Variants in LAPTM4B observed in about 807,000 individuals in gnomAD.
LAPTM4B encodes lysosomal-associated transmembrane protein 4B.
A neutral mutation model predicts 28.5 loss-of-function variants in LAPTM4B; 26 were observed. The observed-to-expected ratio is 0.91, with a 90% CI of 0.67 to 1.27. The LOEUF is 1.27. Ranked by LOEUF, LAPTM4B falls within the 50% of genes most tolerant of loss-of-function variation. The pLI is 0.00. For synonymous variants in LAPTM4B, 109 were observed against 106.4 expected (o/e 1.02, Z -0.15); for missense variants, 288 against 285.8 (o/e 1.01, Z -0.06).
At chr8:97,828,714 G>C (rs775335326) in intron 6 of LAPTM4B, among the ~76,000 whole-genome samples, 1 of 152,196 alleles carries the variant, frequency 6.6e-6, no homozygotes, top group East Asian at 1.9e-4. Context: ...CTAAGGAATC[G>C]ACTTGGGATT....
intron 6 of LAPTM4B, among the ~76,000 whole-genome samples, chr8:97,835,690 C>G (rs1466247647): frequency 3.3e-5 from 5 of 152,170 alleles, no homozygotes; most frequent in Admixed American, 1.3e-4. Context: ...CTCCCTTGGG[C>G]GGGCCTGCTG....
chr8:97,825,412 A>G (rs531854658), intron 6 of LAPTM4B, among the ~76,000 whole-genome samples: 39 of 152,360 alleles, frequency 2.6e-4, no homozygotes, highest in Admixed American at 1.7e-3. Context: ...GATAGATAAT[A>G]TATGTACCTT....
chr8:97,830,684 C>G (rs1817171373), intron 6 of LAPTM4B, among the ~76,000 whole-genome samples: 1 of 152,032 alleles, frequency 6.6e-6, no homozygotes, highest in African/African-American at 2.4e-5. Flanking sequence ...AGCGATGAAC[C>G]CAGTGGGGAA....
intron 6 of LAPTM4B, among the ~76,000 whole-genome samples, chr8:97,825,816 G>T (rs1312030952): frequency 6.6e-6 from 1 of 152,214 alleles, no homozygotes; most frequent in Non-Finnish European, 1.5e-5. Flanking sequence ...TGTCGTCACT[G>T]CCTGATGTAA....
rs746197514 is a variant in LAPTM4B, at chr8:97,775,980, G to A, written c.-30G>A. 1 of 1,555,102 alleles carries A rather than the reference G, an allele frequency of 6.4e-7. No individual in the cohort carries two copies. The highest frequency in any genetic ancestry group is 2.6e-5 in the East Asian group (1 of 37,746). ...GCGGTCGACGCTCCTGAAAACTTGC[G>A]CGCGCGCTCGCGCCACTGCGCCCGG... On this transcript the variant is annotated 5_prime_UTR_variant, in exon 1 of 7. Transcript: ENST00000521545.
chr8:97,842,875 A>G (rs1817373795), intron 6 of LAPTM4B, among the ~76,000 whole-genome samples: 2 of 142,038 alleles, frequency 1.4e-5, no homozygotes, highest in Admixed American at 7.1e-5. Flanking sequence ...GTGCTCCCTT[A>G]TATAATATCT....
At chr8:97,836,230 A>G (rs1216214520) in intron 6 of LAPTM4B, among the ~76,000 whole-genome samples, 1 of 152,138 alleles carries the variant, frequency 6.6e-6, no homozygotes, top group African/African-American at 2.4e-5. Context: ...TCAGGCTGGA[A>G]TACATAGGAG....
At chr8:97,832,863 C>T (rs1257186166) in intron 6 of LAPTM4B, among the ~76,000 whole-genome samples, 2 of 149,628 alleles carry the variant, frequency 1.3e-5, no homozygotes, top group South Asian at 4.2e-4. Context: ...CGCACCGCCA[C>T]GCCTGGCTGA....
intron 6 of LAPTM4B, among the ~76,000 whole-genome samples, chr8:97,848,574 C>G (rs570016748): frequency 6.6e-6 from 1 of 152,144 alleles, no homozygotes; most frequent in African/African-American, 2.4e-5. Context: ...AATCCCAACA[C>G]TTTGGGAGGC....
chr8:97,828,224 A>G (rs1269322866), intron 6 of LAPTM4B, among the ~76,000 whole-genome samples: 2 of 152,116 alleles, frequency 1.3e-5, no homozygotes, highest in Non-Finnish European at 2.9e-5. Context: ...TGGAGGGATG[A>G]TGGGAGATTT....
intron 5 of LAPTM4B, among the ~76,000 whole-genome samples, chr8:97,823,175 TGAAATAA>T (rs569040421): frequency 4.0e-5 from 6 of 151,846 alleles, no homozygotes; most frequent in East Asian, 3.9e-4. Context: ...TGCAGAAGTG[TGAAATAA>T]GAAATAAGGT....
chr8:97,803,717 C>T (rs908470916), intron 1 of LAPTM4B, among the ~76,000 whole-genome samples: 6 of 152,202 alleles, frequency 3.9e-5, no homozygotes, highest in African/African-American at 1.4e-4. Context: ...GGCGCATCAG[C>T]TCACTGTAGC....
intron 1 of LAPTM4B, among the ~76,000 whole-genome samples, chr8:97,781,391 C>T (rs561776828): frequency 1.4e-5 from 2 of 145,882 alleles, no homozygotes; most frequent in South Asian, 4.4e-4. Flanking sequence ...GTGATTCCTG[C>T]CTCAGCCTCC....
intron 1 of LAPTM4B, among the ~76,000 whole-genome samples, chr8:97,801,305 C>T (rs372242702): frequency 1.3e-5 from 2 of 151,884 alleles, no homozygotes; most frequent in Admixed American, 6.6e-5. Flanking sequence ...CCTTGGCCTC[C>T]GGAGCAGCTG....
At chr8:97,803,277 A>C (rs1344944265) in intron 1 of LAPTM4B, among the ~76,000 whole-genome samples, 3 of 151,838 alleles carry the variant, frequency 2.0e-5, no homozygotes, top group African/African-American at 7.3e-5. Flanking sequence ...TTAAAAATGA[A>C]CTTTTTTTTT....
chr8:97,812,009 T>G (rs1173421403), intron 2 of LAPTM4B, among the ~76,000 whole-genome samples: 1 of 151,912 alleles, frequency 6.6e-6, no homozygotes, highest in Non-Finnish European at 1.5e-5. Context: ...TTTTGCCATG[T>G]TTCCCAAGTT....
Position 97,844,840 on chromosome 8 carries a change from C to T in LAPTM4B, c.604-6557C>T, listed in dbSNP as rs192562652. On this transcript the variant is annotated intron_variant, in intron 6 of 6. Transcript: ENST00000521545. ...GTCTTTGCCTGCCCACATCCTCAGG[C>T]TGAAAGCTTCCCCATGATGACTGAC... is the stretch of plus-strand genomic sequence containing the variant. 2.0e-3 allele frequency among the ~76,000 whole-genome samples: 311 copies of T among 152,314 alleles called. 2 individuals carry two copies. Among genetic ancestry groups the T allele is most frequent in the South Asian group, 5.6e-3 (27 of 4,828 alleles).
intron 1 of LAPTM4B, among the ~76,000 whole-genome samples, chr8:97,802,493 G>A (rs1816698598): frequency 6.6e-6 from 1 of 152,138 alleles, no homozygotes; most frequent in Admixed American, 6.5e-5. Flanking sequence ...AGGACAGCCA[G>A]AGCTCACTTT....
intron 1 of LAPTM4B, among the ~76,000 whole-genome samples, chr8:97,792,275 A>T (rs1252416671): frequency 6.6e-6 from 1 of 151,626 alleles, no homozygotes; most frequent in Non-Finnish European, 1.5e-5. Flanking sequence ...TATTTTTTTG[A>T]TACAAGATCA....
Sources: allele counts gnomAD v4.1 joint callset (sites outside exome capture counted in the v4.1 genomes callset), GRCh38; gene constraint gnomAD v4.1.1; transcripts MANE v1.5; gene names NCBI Gene and HGNC (gene_info 2026-07-23, HGNC 2026-07-21).